The following ADCYAP1R1 variants were observed in gnomAD, a reference collection of about 807,000 sequenced individuals.
ADCYAP1R1 encodes pituitary adenylate cyclase-activating polypeptide type I receptor.
ADCYAP1R1 carries 44 observed loss-of-function variants against 67.6 expected under a neutral mutation model. The observed-to-expected ratio is 0.65, with a 90% CI of 0.51 to 0.84. The LOEUF (loss-of-function observed/expected upper bound fraction) is 0.84, where lower values mean the gene tolerates loss of function less well. Among genes scored for constraint, ADCYAP1R1 ranks in the 40% least tolerant of loss-of-function variants. ADCYAP1R1 has a pLI of 0.00. For synonymous variants in ADCYAP1R1, 222 were observed against 219.6 expected (o/e 1.01, Z -0.10); for missense variants, 477 against 587.9 (o/e 0.81, Z 1.95).
At chr7:31,078,385 G>A (rs1184045541) in intron 4 of ADCYAP1R1, among the ~76,000 whole-genome samples, 1 of 152,216 alleles carries the variant, frequency 6.6e-6, no homozygotes, top group African/African-American at 2.4e-5. Flanking sequence ...AGCTGGGTAT[G>A]TGGCCCGGTG....
At chr7:31,090,837 G>A (rs763131322) in intron 12 of ADCYAP1R1, among the ~76,000 whole-genome samples, 4 of 152,176 alleles carry the variant, frequency 2.6e-5, no homozygotes, top group Non-Finnish European at 4.4e-5. Context: ...CACCTATGTG[G>A]GTCCCATGTC....
At chr7:31,055,382 A>G (rs554126240) in intron 1 of ADCYAP1R1, among the ~76,000 whole-genome samples, 1 of 152,236 alleles carries the variant, frequency 6.6e-6, no homozygotes, top group Admixed American at 6.5e-5. Context: ...GCATAAGCCT[A>G]GAACAAGGGT....
At chr7:31,077,002 G>A (rs536923697) in intron 3 of ADCYAP1R1, among the ~76,000 whole-genome samples, 17 of 152,292 alleles carry the variant, frequency 1.1e-4, no homozygotes, top group South Asian at 8.3e-4. Context: ...GTGGGGCTGC[G>A]GGTCTTCGGG....
At chr7:31,066,479 A>G (rs1794744350) in intron 3 of ADCYAP1R1, among the ~76,000 whole-genome samples, 1 of 152,158 alleles carries the variant, frequency 6.6e-6, no homozygotes, top group Non-Finnish European at 1.5e-5. Context: ...CAGGCTGGAA[A>G]TACAGCATCC....
At chr7:31,091,511 T>C (rs887279111) in intron 12 of ADCYAP1R1, among the ~76,000 whole-genome samples, 3 of 152,214 alleles carry the variant, frequency 2.0e-5, no homozygotes, top group African/African-American at 7.2e-5. Context: ...GAATGGTGGT[T>C]CCTAGGTTTT....
At chr7:31,095,366 C>T (rs1000276665) in intron 13 of ADCYAP1R1, among the ~76,000 whole-genome samples, 2 of 152,176 alleles carry the variant, frequency 1.3e-5, no homozygotes, top group Non-Finnish European at 2.9e-5. Context: ...GAAAAGATAG[C>T]ATTAAACAAG....
intron 3 of ADCYAP1R1, among the ~76,000 whole-genome samples, chr7:31,076,182 G>A (rs1429204781): frequency 6.6e-6 from 1 of 152,222 alleles, no homozygotes; most frequent in African/African-American, 2.4e-5. Flanking sequence ...GGGCAGGGTG[G>A]GCGGCCAAAG....
In ADCYAP1R1 at chr7:31,109,627, C is replaced by T. The variant is rs1161242969; in HGVS notation, c.*2943C>T. 6.6e-6 allele frequency: 1 copy of T among 152,088 alleles called. No individual in the cohort carries two copies. Among genetic ancestry groups the T allele is most frequent in the Non-Finnish European group, 1.5e-5 (1 of 68,024 alleles). The allele number at this position is 152,088 out of a possible 1,614,324, so 9.4% of individuals were successfully genotyped here. On this transcript the variant is annotated 3_prime_UTR_variant, in exon 16 of 16. Transcript: ENST00000304166. ...TTCTATGCAATCCTAAAGGACGAAA[C>T]TCACCCATGGGAGGCCGAATTCTCC...
chr7:31,058,779 A>G (rs971637834), intron 1 of ADCYAP1R1, among the ~76,000 whole-genome samples: 2 of 152,154 alleles, frequency 1.3e-5, no homozygotes, highest in African/African-American at 4.8e-5. Context: ...ACTGATCTTC[A>G]TTTGACCAGT....
chr7:31,054,207 A>T (rs899007008), intron 1 of ADCYAP1R1, among the ~76,000 whole-genome samples: 6 of 152,098 alleles, frequency 3.9e-5, no homozygotes, highest in Non-Finnish European at 1.5e-5. Context: ...TGGGGTGACG[A>T]TGGAGGCGGG....
chr7:31,062,349 C>T (rs1336884603), intron 1 of ADCYAP1R1, among the ~76,000 whole-genome samples: 1 of 152,212 alleles, frequency 6.6e-6, no homozygotes, highest in Non-Finnish European at 1.5e-5. Context: ...GAGGCCTGAG[C>T]ACATGCTTCA....
At chr7:31,054,449 G>C (rs1046860988) in intron 1 of ADCYAP1R1, among the ~76,000 whole-genome samples, 1 of 152,122 alleles carries the variant, frequency 6.6e-6, no homozygotes, top group African/African-American at 2.4e-5. Flanking sequence ...AACACTTTGG[G>C]ACCCATGGCT....
At chr7:31,100,431 T>G (rs1796392196) in intron 13 of ADCYAP1R1, among the ~76,000 whole-genome samples, 1 of 152,084 alleles carries the variant, frequency 6.6e-6, no homozygotes, top group Non-Finnish European at 1.5e-5. Context: ...CTACGGCCAT[T>G]GTGGGTGCTT....
chr7:31,098,297 A>G (rs898806082), intron 13 of ADCYAP1R1, among the ~76,000 whole-genome samples: 2 of 152,358 alleles, frequency 1.3e-5, no homozygotes, highest in African/African-American at 4.8e-5. Flanking sequence ...TTAATTATTG[A>G]GAAAAACATA....
intron 3 of ADCYAP1R1, among the ~76,000 whole-genome samples, chr7:31,067,618 G>A (rs576493689): frequency 2.6e-5 from 4 of 152,174 alleles, no homozygotes; most frequent in Non-Finnish European, 5.9e-5. Flanking sequence ...AAGAGGCAGA[G>A]GCAGCCTGTA....
chr7:31,069,376 C>T (rs928711948), intron 3 of ADCYAP1R1, among the ~76,000 whole-genome samples: 6 of 152,212 alleles, frequency 3.9e-5, no homozygotes, highest in African/African-American at 4.8e-5. Flanking sequence ...ATGCACAGAA[C>T]GCTGGCCAAA....
chr7:31,092,967 A>G (rs1004683605), intron 13 of ADCYAP1R1, among the ~76,000 whole-genome samples: 2 of 152,168 alleles, frequency 1.3e-5, no homozygotes, highest in Non-Finnish European at 2.9e-5. Context: ...AGAGAGAGAG[A>G]GAGAGAGAGC....
At chr7:31,057,806 C>T (rs2128613036) in intron 1 of ADCYAP1R1, among the ~76,000 whole-genome samples, 2 of 152,298 alleles carry the variant, frequency 1.3e-5, no homozygotes, top group Admixed American at 1.3e-4. Flanking sequence ...GGTCCAGCTC[C>T]CCTGTCATGA....
At chr7:31,085,529 TGACACCCTGCA>T in intron 9 of ADCYAP1R1, 87 bp downstream of exon 9, 1 of 1,452,590 alleles carries the variant, frequency 6.9e-7, no homozygotes, top group Non-Finnish European at 9.3e-7. Context: ...ATTACCTGCC[TGACACCCTGCA>T]GATCAAGTGT....
Sources: allele counts gnomAD v4.1 joint callset (sites outside exome capture counted in the v4.1 genomes callset), GRCh38; gene constraint gnomAD v4.1.1; transcripts MANE v1.5; gene names NCBI Gene and HGNC (gene_info 2026-07-23, HGNC 2026-07-21).